Variants in PCDH15 observed in about 807,000 individuals in gnomAD.
PCDH15 encodes protocadherin-15.
In PCDH15, 129 loss-of-function variants were observed where a neutral mutation model predicts 178.5. That is an observed-to-expected ratio of 0.72 (90% CI 0.63 to 0.84). The LOEUF is 0.84. Ranked by LOEUF, PCDH15 falls within the 40% of genes least tolerant of loss-of-function variation. The probability of loss-of-function intolerance (pLI) is 0.00; values close to 1 mark genes in which losing one functional copy is unlikely to be tolerated. For synonymous variants in PCDH15, 800 were observed against 732.0 expected, an observed-to-expected ratio of 1.09 and a Z score of -1.50; for missense variants, 2,230 against 2,099.9, an observed-to-expected ratio of 1.06 and a Z score of -1.21.
intron 18 of PCDH15, among the ~76,000 whole-genome samples, chr10:54,057,818 C>A (rs934826737): frequency 3.9e-5 from 6 of 152,136 alleles, no homozygotes; most frequent in African/African-American, 1.2e-4. Context: ...TCCTCTTGAG[C>A]ACTTTGCCAC....
At chr10:54,491,930 G>T (rs1304009704) in intron 3 of PCDH15, among the ~76,000 whole-genome samples, 1 of 152,114 alleles carries the variant, frequency 6.6e-6, no homozygotes, top group Non-Finnish European at 1.5e-5. Context: ...TACCTGTTTG[G>T]AAAGGTTAGT....
At chr10:54,418,337 G>C in intron 3 of PCDH15, among the ~76,000 whole-genome samples, 1 of 151,980 alleles carries the variant, frequency 6.6e-6, no homozygotes, top group South Asian at 2.1e-4. Context: ...AAAGACAAAA[G>C]TAATATAAGC....
chr10:54,204,648 G>C (rs983786783), intron 10 of PCDH15, among the ~76,000 whole-genome samples: 1 of 151,990 alleles, frequency 6.6e-6, no homozygotes, highest in Admixed American at 6.6e-5. Flanking sequence ...AGTGTACATA[G>C]ACTATCCCTT....
chr10:55,245,490 C>T (rs1036121671), intron 1 of PCDH15, among the ~76,000 whole-genome samples: 2 of 151,848 alleles, frequency 1.3e-5, no homozygotes, highest in Admixed American at 6.6e-5. Context: ...TTATTCTGAC[C>T]CAAGCTATGG....
At chr10:54,564,064 T>C (rs1029491564) in intron 2 of PCDH15, among the ~76,000 whole-genome samples, 4 of 152,154 alleles carry the variant, frequency 2.6e-5, no homozygotes, top group African/African-American at 4.8e-5. Context: ...AATTAATTAA[T>C]TATAAAGAAT....
chr10:54,385,939 G>A (rs1227894154), intron 3 of PCDH15, among the ~76,000 whole-genome samples: 1 of 151,872 alleles, frequency 6.6e-6, no homozygotes, highest in Non-Finnish European at 1.5e-5. Flanking sequence ...TCACCTCCTT[G>A]GTTAAATTGA....
chr10:54,297,557 C>T (rs1224273308), intron 8 of PCDH15, among the ~76,000 whole-genome samples: 1 of 152,188 alleles, frequency 6.6e-6, no homozygotes, highest in Non-Finnish European at 1.5e-5. Context: ...CCTAGCCTCC[C>T]TATAGCTCCC....
chr10:54,945,656 T>C (rs2131868577), intron 2 of PCDH15, among the ~76,000 whole-genome samples: 1 of 151,914 alleles, frequency 6.6e-6, no homozygotes, highest in South Asian at 2.1e-4. Flanking sequence ...TCCTTCACCC[T>C]ACTCTAAACA....
intron 2 of PCDH15, among the ~76,000 whole-genome samples, chr10:54,538,241 C>G (rs1291194199): frequency 1.3e-5 from 2 of 152,076 alleles, no homozygotes; most frequent in African/African-American, 4.8e-5. Context: ...ATTCTTACAG[C>G]TTGAGGTCTT....
intron 8 of PCDH15, among the ~76,000 whole-genome samples, chr10:54,289,814 T>A (rs183503697): frequency 8.9e-4 from 136 of 152,112 alleles, no homozygotes; most frequent in African/African-American, 3.2e-3. Flanking sequence ...GAGATCAAAT[T>A]AATGAAATAA....
At chr10:54,161,352 C>G (rs891395377) in intron 13 of PCDH15, among the ~76,000 whole-genome samples, 2 of 151,988 alleles carry the variant, frequency 1.3e-5, no homozygotes, top group African/African-American at 4.8e-5. Context: ...ACAAGGAAAA[C>G]TTTTAGAGGC....
At chr10:55,318,222 G>A (rs34424822) in intron 1 of PCDH15, among the ~76,000 whole-genome samples, 29,658 of 151,336 alleles carry the variant, frequency 0.2, 3,149 homozygotes, top group African/African-American at 0.28. Context: ...AAAAACACAC[G>A]AGAGAGAGAG....
At chr10:54,212,368 C>T (rs1357631867) in intron 10 of PCDH15, among the ~76,000 whole-genome samples, 1 of 152,080 alleles carries the variant, frequency 6.6e-6, no homozygotes, top group Non-Finnish European at 1.5e-5. Context: ...TCCCAGGAAA[C>T]TGTAGTCATC....
intron 3 of PCDH15, among the ~76,000 whole-genome samples, chr10:54,429,799 T>A (rs1956748822): frequency 6.6e-6 from 1 of 152,062 alleles, no homozygotes; most frequent in Non-Finnish European, 1.5e-5. Flanking sequence ...TGATTGTAAA[T>A]ATATGTGTAC....
intron 17 of PCDH15, among the ~76,000 whole-genome samples, chr10:54,077,465 T>C (rs1163937654): frequency 6.6e-6 from 1 of 152,336 alleles, no homozygotes; most frequent in East Asian, 1.9e-4. Flanking sequence ...TAAAATGTTC[T>C]AGCTAATATT....
At chr10:55,522,974 C>T (rs1410232709) in intron 2 of PCDH15, among the ~76,000 whole-genome samples, 1 of 151,426 alleles carries the variant, frequency 6.6e-6, no homozygotes, top group East Asian at 1.9e-4. Context: ...TGTGTATCTA[C>T]TTGAGAATTT....
In PCDH15 at chr10:53,816,267, AGTTGCT is replaced by A; in HGVS notation, c.4457_4462del (p.Gln1486_Gln1487del). 1 of 398,890 alleles carries A rather than the reference AGTTGCT, an allele frequency of 2.5e-6. No individual in the cohort carries two copies. Among genetic ancestry groups the A allele is most frequent in the East Asian group, 3.6e-5 (1 of 28,032 alleles). The allele number at this position is 398,890 out of a possible 1,614,324, so 24.7% of individuals were successfully genotyped here. On this transcript the variant is annotated inframe_deletion, in exon 35 of 38. Coordinates refer to ENST00000644397, the MANE Select transcript of PCDH15 (RefSeq NM_001384140.1). ...TGGTTTAAGAAGAGAGGGCCTCAGC[AGTTGCT>A]GTTGCTGTCAAAGGAAATTAAAATA...
intron 6 of PCDH15, among the ~76,000 whole-genome samples, chr10:54,345,867 A>C (rs1375527589): frequency 6.6e-6 from 1 of 151,620 alleles, no homozygotes; most frequent in Non-Finnish European, 1.5e-5. Flanking sequence ...AAAAAGGAAG[A>C]AAAACAACAA....
At chr10:55,299,455 T>A (rs1843214549) in intron 1 of PCDH15, among the ~76,000 whole-genome samples, 1 of 152,218 alleles carries the variant, frequency 6.6e-6, no homozygotes, top group Non-Finnish European at 1.5e-5. Context: ...CAGAAAATGA[T>A]GTCTTTCATG....
Sources: allele counts gnomAD v4.1 joint callset (sites outside exome capture counted in the v4.1 genomes callset), GRCh38; gene constraint gnomAD v4.1.1; transcripts MANE v1.5; gene names NCBI Gene and HGNC (gene_info 2026-07-23, HGNC 2026-07-21).